The following USP9X variants were observed in gnomAD, a reference collection of about 807,000 sequenced individuals.
USP9X encodes ubiquitin specific peptidase 9 X-linked, also known as ubiquitin carboxyl-terminal hydrolase 9X.
In USP9X, 7 loss-of-function variants were observed where a neutral mutation model predicts 190.3. That is an observed-to-expected ratio of 0.04 (90% CI 0.02 to 0.07). The LOEUF (loss-of-function observed/expected upper bound fraction) is 0.07, where lower values mean the gene tolerates loss of function less well. Among genes scored for constraint, USP9X ranks in the 10% least tolerant of loss-of-function variants. The pLI is 1.00. For synonymous variants in USP9X, 645 were observed against 659.5 expected (o/e 0.98, Z 0.34); for missense variants, 1,010 against 1,916.9 (o/e 0.53, Z 8.83).
intron 31 of USP9X, 113 bp from the exon 32 acceptor site, chrX:41,205,190 C>A: frequency 1.8e-6 from 1 of 565,275 alleles, no homozygotes; most frequent in Non-Finnish European, 2.7e-6. Flanking sequence ...TTGAAAAGTG[C>A]TTTGGAAATG....
At chrX:41,086,377 C>T (rs1212429111) in intron 1 of USP9X, among the ~76,000 whole-genome samples, 3 of 112,344 alleles carry the variant, frequency 2.7e-5, no homozygotes, top group East Asian at 2.8e-4. Flanking sequence ...GTCCCTCCCC[C>T]TCCTCCCCCT....
chrX:41,176,674 G>T (rs2062777636), intron 21 of USP9X, among the ~76,000 whole-genome samples: 1 of 112,009 alleles, frequency 8.9e-6, no homozygotes, highest in South Asian at 3.7e-4. Context: ...CCAGCTGAGG[G>T]GGCTTTTTGC....
At chrX:41,139,678 G>C (rs140007317) in intron 6 of USP9X, among the ~76,000 whole-genome samples, 14,947 of 111,460 alleles carry the variant, frequency 0.13, 900 homozygotes, top group East Asian at 0.22. Flanking sequence ...AAAACACACA[G>C]AAAAAACTAG....
chrX:41,094,681 G>A (rs755733657), intron 1 of USP9X, among the ~76,000 whole-genome samples: 2 of 111,123 alleles, frequency 1.8e-5, no homozygotes, highest in South Asian at 7.6e-4. Flanking sequence ...TTCCGATTTT[G>A]TAATTTTTTC....
At chrX:41,149,826 C>T (rs1015368340) in intron 12 of USP9X, among the ~76,000 whole-genome samples, 8 of 110,154 alleles carry the variant, frequency 7.3e-5, no homozygotes, top group Non-Finnish European at 1.3e-4. Flanking sequence ...GCCTCGGCCT[C>T]CCCAGTAGCT....
In USP9X at chrX:41,099,118, TTTTTA is replaced by T. The variant is rs1202479154; in HGVS notation, c.-159+13010_-159+13014del. Among the ~76,000 whole-genome samples the T allele has an allele frequency of 6.8e-4, 59 of 86,758 alleles. 4 individuals carry two copies. The highest frequency in any genetic ancestry group is 2.5e-3 in the East Asian group (7 of 2,825). The allele number at this position is 86,758 out of a possible 115,157, so 75.3% of individuals were successfully genotyped here. ...ATTGTTTTTTTTTTTTTTTTTTTTT[TTTTTA>T]AACAGAGATGGAGTCTCACTATGTT... On this transcript the variant is annotated intron_variant, in intron 1 of 44. Transcript: ENST00000378308.
At chrX:41,148,652 G>A in intron 12 of USP9X, 77 bp downstream of exon 12, 2 of 951,768 alleles carry the variant, frequency 2.1e-6, no homozygotes, top group Non-Finnish European at 2.9e-6. Flanking sequence ...GGATAGTTCT[G>A]TTACTCTGAC....
At chrX:41,086,175 G>A (rs2061908970) in intron 1 of USP9X, 66 bp downstream of exon 1, 6 of 292,117 alleles carry the variant, frequency 2.1e-5, no homozygotes, top group African/African-American at 2.8e-5. Flanking sequence ...TGGGTGAGGG[G>A]AGGAGGGCGA....
chrX:41,224,628 T>TC lies in USP9X; in HGVS notation c.6752-112dup, dbSNP rs958364496. On this transcript the variant is annotated intron_variant, in intron 39 of 44. Coordinates refer to ENST00000378308, the MANE Select transcript of USP9X (RefSeq NM_001039591.3). ...TCCAGCCTGGGCGACAGAGCGAGAC[T>TC]CCATCTTAAAAAAAATAAAAAAAAA... 9.0e-6 allele frequency: 6 copies of TC among 664,417 alleles called. No individual in the cohort carries two copies. The African/African-American group carries it at 9.3e-5, about 10-fold the overall frequency. The allele number at this position is 664,417 out of a possible 1,213,427, so 54.8% of individuals were successfully genotyped here. A position where few individuals can be genotyped will look rare whatever the true frequency, so the allele number is the denominator to read the frequency against.
intron 25 of USP9X, 95 bp downstream of exon 25, chrX:41,188,212 TGAATC>T: frequency 1.2e-6 from 1 of 857,063 alleles, no homozygotes; most frequent in East Asian, 3.4e-5. Context: ...TTTTAAAAAT[TGAATC>T]ACTTGCATCT....
intron 1 of USP9X, among the ~76,000 whole-genome samples, chrX:41,115,079 G>A (rs1050714107): frequency 1.8e-5 from 2 of 108,558 alleles, no homozygotes; most frequent in Non-Finnish European, 3.8e-5. Context: ...AAATTAGCCC[G>A]GCATTGTGGC....
At chrX:41,090,891 C>T (rs1259961671) in intron 1 of USP9X, among the ~76,000 whole-genome samples, 1 of 110,885 alleles carries the variant, frequency 9.0e-6, no homozygotes, top group East Asian at 2.8e-4. Flanking sequence ...ACATATATAT[C>T]AAATTTATTG....
chrX:41,086,605 A>G (rs1187652002), intron 1 of USP9X, among the ~76,000 whole-genome samples: 2 of 111,803 alleles, frequency 1.8e-5, no homozygotes, highest in African/African-American at 6.5e-5. Context: ...ACGCCTGGCT[A>G]TCAGGCCTGA....
chrX:41,124,787 ACT>A (rs766207830), intron 2 of USP9X, among the ~76,000 whole-genome samples: 17 of 111,883 alleles, frequency 1.5e-4, no homozygotes, highest in African/African-American at 5.2e-4. Flanking sequence ...TTGCGTTATG[ACT>A]CTGGGTTAAT....
rs2062208307 is a variant in USP9X, at chrX:41,123,545, A to G, written c.-84A>G. The G allele has an allele frequency of 3.7e-6, 3 of 813,449 alleles. No individual in the cohort carries two copies. The highest frequency in any genetic ancestry group is 5.5e-6 in the Non-Finnish European group (3 of 550,007). 67.0% of individuals were successfully genotyped at this position (813,449 alleles called of 1,213,427 possible). A position where few individuals can be genotyped will look rare whatever the true frequency, so the allele number is the denominator to read the frequency against. On this transcript the variant is annotated 5_prime_UTR_variant, in exon 2 of 45. Coordinates refer to ENST00000378308, the MANE Select transcript of USP9X (RefSeq NM_001039591.3). Reference sequence around the variant, plus strand: ...TAAGACTGACAAATGCTGGTACTTCATCTTCTATAAGTGGACTATAATTTC... The same window carrying G: ...TAAGACTGACAAATGCTGGTACTTCGTCTTCTATAAGTGGACTATAATTTC...
intron 31 of USP9X, among the ~76,000 whole-genome samples, chrX:41,204,297 A>G (rs758607229): frequency 2.7e-5 from 3 of 111,559 alleles, no homozygotes; most frequent in Non-Finnish European, 3.8e-5. Context: ...TATGTTCTAG[A>G]TATTAACTCC....
chrX:41,215,578 T>C (rs1465509126), intron 34 of USP9X, among the ~76,000 whole-genome samples: 2 of 112,762 alleles, frequency 1.8e-5, no homozygotes, highest in Admixed American at 1.9e-4. Flanking sequence ...CCAACAAATA[T>C]TAGCTACTCT....
At position 41,201,361 on chromosome X, in the gene USP9X, C is replaced by T. The variant is rs1363298754; in HGVS notation, c.4824+81C>T. On this transcript the variant is annotated intron_variant, in intron 31 of 44. Transcript: ENST00000378308. ...TATTCTCTCTTAAGAGAGTGTTATA[C>T]TTTCATCAAACGTATTAAAGTATAT... 5.3e-6 allele frequency: 5 copies of T among 947,059 alleles called. No individual in the cohort carries two copies. The African/African-American group carries it at 9.7e-5, about 18-fold the overall frequency. 78.0% of individuals were successfully genotyped at this position (947,059 alleles called of 1,213,427 possible). A position where few individuals can be genotyped will look rare whatever the true frequency, so the allele number is the denominator to read the frequency against.
At chrX:41,155,587 A>C (rs2062570472) in intron 14 of USP9X, among the ~76,000 whole-genome samples, 1 of 111,561 alleles carries the variant, frequency 9.0e-6, no homozygotes. Context: ...TTTCCATCCA[A>C]CAGTAACAGT....
Sources: gnomAD v4.1 joint callset for allele counts (sites outside exome capture counted in the v4.1 genomes callset) on GRCh38, gnomAD v4.1.1 for gene constraint, MANE v1.5 for transcripts, NCBI Gene and HGNC (gene_info 2026-07-23, HGNC 2026-07-21) for gene names.